The following SDHB variants were observed in gnomAD, a reference collection of about 807,000 sequenced individuals.
The protein encoded by SDHB is succinate dehydrogenase [ubiquinone] iron-sulfur subunit, mitochondrial.
In SDHB, 21 loss-of-function variants were observed where a neutral mutation model predicts 39.7. That is an observed-to-expected ratio of 0.53 (90% CI 0.37 to 0.76). The LOEUF is 0.76. Among genes scored for constraint, SDHB ranks in the 30% least tolerant of loss-of-function variants. SDHB has a pLI of 0.00. For missense variants in SDHB, 343 were observed against 350.9 expected (o/e 0.98, Z 0.18); for synonymous variants, 118 against 117.0 (o/e 1.01, Z -0.06).
At chr1:17,048,900 G>A (rs1403532582) in intron 1 of SDHB, among the ~76,000 whole-genome samples, 7 of 151,924 alleles carry the variant, frequency 4.6e-5, no homozygotes, top group Admixed American at 2.6e-4. Context: ...TAGTAGAGAC[G>A]GGGTTTCACC....
chr1:17,021,033 C>T (rs2647163), intron 7 of SDHB, among the ~76,000 whole-genome samples: 15,853 of 152,298 alleles, frequency 0.1, 993 homozygotes, highest in African/African-American at 0.17. Flanking sequence ...AAATCACCCA[C>T]AGTCTTTGCT....
intron 3 of SDHB, among the ~76,000 whole-genome samples, chr1:17,032,045 GTC>G (rs1453510847): frequency 2.0e-5 from 3 of 152,164 alleles, no homozygotes; most frequent in African/African-American, 7.2e-5. Context: ...AGGCCAGTCG[GTC>G]TTCACTGCAC....
rs1426333204 is a variant in SDHB at position 17,027,731 on chromosome 1, T to C, written c.540+18A>G. ...CAATAAATTCTTCAGATTGAAACAATAAATAGGGACTAATGACCAGTTTCT... is the reference window on the plus strand; with the variant it reads ...CAATAAATTCTTCAGATTGAAACAACAAATAGGGACTAATGACCAGTTTCT... On this transcript the variant is annotated intron_variant, in intron 5 of 7. Transcript: ENST00000375499. The C allele has an allele frequency of 1.5e-6, 2 of 1,372,500 alleles. No individual in the cohort carries two copies. Among genetic ancestry groups the C allele is most frequent in the South Asian group, 2.3e-5 (2 of 86,230 alleles). The allele number at this position is 1,372,500 out of a possible 1,614,324, so 85.0% of individuals were successfully genotyped here.
At chr1:17,047,531 G>GA (rs2078118807) in intron 1 of SDHB, among the ~76,000 whole-genome samples, 1 of 150,334 alleles carries the variant, frequency 6.7e-6, no homozygotes. Context: ...ACAAAAAAAC[G>GA]AATTAGCAGG....
At chr1:17,034,842 ATGTT>A (rs1429848922) in intron 2 of SDHB, among the ~76,000 whole-genome samples, 1 of 152,204 alleles carries the variant, frequency 6.6e-6, no homozygotes, top group Non-Finnish European at 1.5e-5. Flanking sequence ...CATAGGTTGA[ATGTT>A]TGTCATAAAT....
intron 5 of SDHB, 58 bp downstream of exon 5, chr1:17,027,691 T>C (rs2077998906): frequency 2.8e-6 from 3 of 1,068,446 alleles, no homozygotes; most frequent in African/African-American, 1.5e-5. Flanking sequence ...GCCACACTCC[T>C]GGCAATCATC....
At chr1:17,051,807 C>A (rs1286784687) in intron 1 of SDHB, among the ~76,000 whole-genome samples, 1 of 151,876 alleles carries the variant, frequency 6.6e-6, no homozygotes, top group Non-Finnish European at 1.5e-5. Flanking sequence ...TATCCTAGCC[C>A]TGCCAGCCTA....
At chr1:17,034,212 C>T (rs1170733959) in intron 2 of SDHB, among the ~76,000 whole-genome samples, 1 of 152,022 alleles carries the variant, frequency 6.6e-6, no homozygotes, top group African/African-American at 2.4e-5. Context: ...TGCAGTGGCA[C>T]GATCTCAGAT....
At chr1:17,037,960 A>G (rs1293088758) in intron 2 of SDHB, among the ~76,000 whole-genome samples, 3 of 152,146 alleles carry the variant, frequency 2.0e-5, no homozygotes, top group Non-Finnish European at 4.4e-5. Flanking sequence ...AACACGCAGA[A>G]ACCCCATCTC....
Sources: allele counts gnomAD v4.1 joint callset (sites outside exome capture counted in the v4.1 genomes callset), GRCh38; gene constraint gnomAD v4.1.1; transcripts MANE v1.5; gene names NCBI Gene and HGNC (gene_info 2026-07-23, HGNC 2026-07-21).